The following TXN2 variants were observed in gnomAD, a reference collection of about 807,000 sequenced individuals.
TXN2 encodes thioredoxin 2.
TXN2 carries 12 observed loss-of-function variants against 14.6 expected under a neutral mutation model. The ratio of observed to expected loss-of-function variants is 0.82; its 90% CI spans 0.53 to 1.33. TXN2 has a LOEUF of 1.33. TXN2 is among the 40% of genes most tolerant of loss of function. The pLI is 0.00. For missense variants in TXN2, 173 were observed against 207.7 expected (o/e 0.83, Z 1.03); for synonymous variants, 89 against 81.0 (o/e 1.10, Z -0.53).
chr22:36,477,232 G>C (rs1933404480), intron 2 of TXN2, among the ~76,000 whole-genome samples: 1 of 152,014 alleles, frequency 6.6e-6, no homozygotes, highest in Admixed American at 6.5e-5. Flanking sequence ...TTTTGAGACG[G>C]AGTCTCGCTC....
chr22:36,476,092 T>G (rs766946552), intron 3 of TXN2, among the ~76,000 whole-genome samples: 9 of 152,176 alleles, frequency 5.9e-5, no homozygotes, highest in Non-Finnish European at 7.3e-5. Flanking sequence ...TGTGTCAGAA[T>G]CACAAATGCT....
chr22:36,469,220 A>G (rs1231700035), intron 3 of TXN2, among the ~76,000 whole-genome samples: 1 of 152,238 alleles, frequency 6.6e-6, no homozygotes, highest in Non-Finnish European at 1.5e-5. Flanking sequence ...AGGGCATGAA[A>G]GCTGAATGAA....
At position 36,480,721 on chromosome 22, in the gene TXN2, A is replaced by C; in HGVS notation, c.117T>G (p.Pro39=). ...SRALQTPQCS[P]GGLTVTPNPA... is the part of the protein sequence containing the mutation. The stretch of plus-strand genomic sequence containing the variant: ...GGTTGGGTGTTACAGTCAGGCCACC[A>C]GGACTGCATTGTGGGGTCTGCAGGG... Residue 39 remains proline (P), a synonymous_variant, in exon 2 of 4, where the codon CCT becomes CCG. Coordinates refer to ENST00000216185, the MANE Select transcript of TXN2 (RefSeq NM_012473.4). 1 of 1,614,152 alleles carries C rather than the reference A, an allele frequency of 6.2e-7. No homozygotes were observed. Among genetic ancestry groups the C allele is most frequent in the Non-Finnish European group, 8.5e-7 (1 of 1,180,030 alleles).
At position 36,467,188 on chromosome 22, in the gene TXN2, A is replaced by G. The variant is rs537564819; in HGVS notation, c.*616T>C. 1.1e-3 allele frequency: 163 copies of G among 153,488 alleles called. No individual in the cohort carries two copies. In the South Asian group the frequency reaches 0.017, roughly 16 times the overall value. The allele number at this position is 153,488 out of a possible 1,614,324, so 9.5% of individuals were successfully genotyped here. On this transcript the variant is annotated 3_prime_UTR_variant, in exon 4 of 4. Transcript: ENST00000216185. Reference sequence around the variant, plus strand: ...CTCTCCAGGGTTCCCCAGCCCATCAATCATTTTCTGCACCCCCTGCCTGGG... The same window carrying G: ...CTCTCCAGGGTTCCCCAGCCCATCAGTCATTTTCTGCACCCCCTGCCTGGG...
At chr22:36,469,745 C>T (rs1209570437) in intron 3 of TXN2, among the ~76,000 whole-genome samples, 3 of 152,206 alleles carry the variant, frequency 2.0e-5, no homozygotes, top group Non-Finnish European at 2.9e-5. Context: ...CACTTGAGGT[C>T]AGGAGTTCGA....
Position 36,471,102 on chromosome 22 carries a change from C to T in TXN2, c.388-3185G>A, listed in dbSNP as rs1262889242. On this transcript the variant is annotated intron_variant, in intron 3 of 3. Coordinates refer to ENST00000216185, the MANE Select transcript of TXN2 (RefSeq NM_012473.4). ...CTGCTCCTGTGTCTGGCTCACACAT[C>T]AGGAGGTGCCGGTGCCTGTAAACAC... 2.0e-5 allele frequency among the ~76,000 whole-genome samples: 3 copies of T among 152,188 alleles called. No individual in the cohort carries two copies. The East Asian group carries it at 5.8e-4, about 29-fold the overall frequency.
intron 3 of TXN2, among the ~76,000 whole-genome samples, chr22:36,470,781 T>TAAA (rs34939764): frequency 0.18 from 24,017 of 136,304 alleles, 2,664 homozygotes; most frequent in African/African-American, 0.33. Flanking sequence ...ATAAAAATAT[T>TAAA]AAAAAAAAAA....
chr22:36,476,070 A>G (rs982850285), intron 3 of TXN2, among the ~76,000 whole-genome samples: 2 of 152,140 alleles, frequency 1.3e-5, no homozygotes, highest in African/African-American at 2.4e-5. Context: ...GCTTGGAAAC[A>G]AGATCTCATC....
intron 3 of TXN2, among the ~76,000 whole-genome samples, chr22:36,472,225 A>G (rs949532469): frequency 6.6e-6 from 1 of 152,218 alleles, no homozygotes; most frequent in Non-Finnish European, 1.5e-5. Flanking sequence ...ACTACATAAC[A>G]TTCTGGCAGA....
chr22:36,475,363 A>G (rs1441662853), intron 3 of TXN2, among the ~76,000 whole-genome samples: 1 of 152,228 alleles, frequency 6.6e-6, no homozygotes, highest in Non-Finnish European at 1.5e-5. Flanking sequence ...GGGCAACAAG[A>G]GCAAAACTCT....
intron 3 of TXN2, chr22:36,468,840 G>C: frequency 3.4e-6 from 1 of 290,558 alleles, no homozygotes; most frequent in South Asian, 2.6e-5. Flanking sequence ...TCAGGAGTTC[G>C]AGACCAGCCT....
rs1933180669 is a variant in TXN2, at chr22:36,467,339, GA to G, written c.*464del. On this transcript the variant is annotated 3_prime_UTR_variant, in exon 4 of 4. Coordinates refer to ENST00000216185, the MANE Select transcript of TXN2 (RefSeq NM_012473.4). Reference sequence around the variant, plus strand: ...TCTTTATCACAGACCTACAAAAAATGAGATAATTAGATATTACTCTCACTAG... The same window carrying G: ...TCTTTATCACAGACCTACAAAAAATGGATAATTAGATATTACTCTCACTAG... 6.1e-6 allele frequency: 1 copy of G among 165,192 alleles called. No individual in the cohort carries two copies. Among genetic ancestry groups the G allele is most frequent in the African/African-American group, 2.4e-5 (1 of 41,680 alleles). The allele number at this position is 165,192 out of a possible 1,614,324, so 10.2% of individuals were successfully genotyped here. A position where few individuals can be genotyped will look rare whatever the true frequency, so the allele number is the denominator to read the frequency against.
At position 36,467,126 on chromosome 22, in the gene TXN2, G is replaced by C. The variant is rs966911764; in HGVS notation, c.*678C>G. ...TCAGAAAACCAACGGGCCAGCTAAG[G>C]AGAGGAGGAGGCACCTTGAGACTTC... On this transcript the variant is annotated 3_prime_UTR_variant, in exon 4 of 4. Transcript: ENST00000216185. 6.5e-6 allele frequency: 1 copy of C among 153,494 alleles called. No individual in the cohort carries two copies. Among genetic ancestry groups the C allele is most frequent in the Non-Finnish European group, 1.5e-5 (1 of 68,746 alleles). 9.5% of individuals were successfully genotyped at this position (153,494 alleles called of 1,614,324 possible). A position where few individuals can be genotyped will look rare whatever the true frequency, so the allele number is the denominator to read the frequency against.
chr22:36,467,995 G>T, intron 3 of TXN2, 78 bp from the exon 4 acceptor site: 1 of 1,291,910 alleles, frequency 7.7e-7, no homozygotes, highest in Non-Finnish European at 1.1e-6. Flanking sequence ...CCTTTGTGGG[G>T]AAGGCTGGTG....
chr22:36,476,179 C>A (rs1193047566), intron 3 of TXN2, among the ~76,000 whole-genome samples: 1 of 152,134 alleles, frequency 6.6e-6, no homozygotes, highest in Non-Finnish European at 1.5e-5. Context: ...ATGTCTGAGA[C>A]TAAGTGAATG....
chr22:36,470,192 A>G (rs1378539577), intron 3 of TXN2, among the ~76,000 whole-genome samples: 1 of 152,054 alleles, frequency 6.6e-6, no homozygotes, highest in Non-Finnish European at 1.5e-5. Flanking sequence ...GCCCTCACCC[A>G]CTAACTTTAC....
At chr22:36,476,709 T>A (rs769104021) in intron 3 of TXN2, 24 bp downstream of exon 3, 23 of 1,613,968 alleles carry the variant, frequency 1.4e-5, no homozygotes, top group Non-Finnish European at 8.5e-7. Context: ...GGCTTCCCTG[T>A]GGCAACTCCC....
At chr22:36,480,283 G>A (rs1603489616) in intron 2 of TXN2, among the ~76,000 whole-genome samples, 1 of 152,332 alleles carries the variant, frequency 6.6e-6, no homozygotes, top group East Asian at 1.9e-4. Flanking sequence ...CCAAAAGCAA[G>A]GTGACAGTCA....
At chr22:36,476,959 T>A (rs1171784949) in intron 2 of TXN2, 103 bp from the exon 3 acceptor site, 2 of 1,542,524 alleles carry the variant, frequency 1.3e-6, no homozygotes, top group Non-Finnish European at 1.7e-6. Flanking sequence ...TTTGCCCTTA[T>A]TATCTCTGTT....
Sources: gnomAD v4.1 joint callset for allele counts (sites outside exome capture counted in the v4.1 genomes callset) on GRCh38, gnomAD v4.1.1 for gene constraint, MANE v1.5 for transcripts, NCBI Gene and HGNC (gene_info 2026-07-23, HGNC 2026-07-21) for gene names.